Variants in GUCA1B observed in about 807,000 individuals in gnomAD.
GUCA1B encodes the protein guanylate cyclase activator 1B.
GUCA1B carries 22 observed loss-of-function variants against 24.2 expected under a neutral mutation model. That is an observed-to-expected ratio of 0.91 (90% CI 0.65 to 1.30). The LOEUF is 1.30. Ranked by LOEUF, GUCA1B falls within the 50% of genes most tolerant of loss-of-function variation. The pLI, the probability that GUCA1B is intolerant of heterozygous loss-of-function variation, is 0.00. For missense variants in GUCA1B, 221 were observed against 258.8 expected, an observed-to-expected ratio of 0.85 and a Z score of 1.00; for synonymous variants, 100 against 97.9, an observed-to-expected ratio of 1.02 and a Z score of -0.13.
At chr6:42,185,018 C>G in intron 3 of GUCA1B, 76 bp from the exon 4 acceptor site, 1 of 1,412,510 alleles carries the variant, frequency 7.1e-7, no homozygotes, top group Non-Finnish European at 1.0e-6. Context: ...AGAGACCTCG[C>G]TCCCAGGATG....
chr6:42,193,893 T>C (rs1768354159), intron 1 of GUCA1B, among the ~76,000 whole-genome samples: 1 of 152,242 alleles, frequency 6.6e-6, no homozygotes, highest in South Asian at 2.1e-4. Context: ...GCCAGGGCAC[T>C]GAACTGGATA....
At chr6:42,190,190 C>T (rs899733661) in intron 1 of GUCA1B, among the ~76,000 whole-genome samples, 2 of 152,126 alleles carry the variant, frequency 1.3e-5, no homozygotes, top group African/African-American at 4.8e-5. Context: ...TACCTTAGTA[C>T]CTGAAGTGTT....
Position 42,189,684 on chromosome 6 carries a change from G to T in GUCA1B, c.208-953C>A, listed in dbSNP as rs56289013. 6.7e-3 allele frequency among the ~76,000 whole-genome samples: 1,017 copies of T among 152,314 alleles called. 10 individuals carry two copies. The highest frequency in any genetic ancestry group is 0.023 in the African/African-American group (953 of 41,546). ...CAGGTGCTAATTGGGCAGAGGAAGGGGGAGAGGCACAGTCTACTTCTAAGG... is the reference window on the plus strand; with the variant it reads ...CAGGTGCTAATTGGGCAGAGGAAGGTGGAGAGGCACAGTCTACTTCTAAGG... On this transcript the variant is annotated intron_variant, in intron 1 of 3. Coordinates refer to ENST00000230361, the MANE Select transcript of GUCA1B (RefSeq NM_002098.6).
intron 1 of GUCA1B, among the ~76,000 whole-genome samples, chr6:42,192,879 C>T (rs545293298): frequency 6.6e-6 from 1 of 151,496 alleles, no homozygotes; most frequent in Non-Finnish European, 1.5e-5. Flanking sequence ...GACTCTGTCT[C>T]AAAAACAAAA....
In GUCA1B at chr6:42,184,098, T is replaced by TC. The variant is rs1323517629; in HGVS notation, c.*716_*717insG. 6.6e-6 allele frequency among the ~76,000 whole-genome samples: 1 copy of TC among 151,102 alleles called. No individual in the cohort carries two copies. Among genetic ancestry groups the TC allele is most frequent in the Non-Finnish European group, 1.5e-5 (1 of 67,668 alleles). Reference sequence around the variant, plus strand: ...ACTCCTGCCTTTTCTTTTCTTTCTTTTTTTTTTTTTGAGACGGAGTCTCAC... The same window carrying TC: ...ACTCCTGCCTTTTCTTTTCTTTCTTTCTTTTTTTTTTGAGACGGAGTCTCAC... On this transcript the variant is annotated 3_prime_UTR_variant, in exon 4 of 4. Transcript: ENST00000230361.
chr6:42,185,239 TC>T (rs1768173802), intron 3 of GUCA1B, among the ~76,000 whole-genome samples: 1 of 152,196 alleles, frequency 6.6e-6, no homozygotes, highest in South Asian at 2.1e-4. Context: ...GCCAGCTCTC[TC>T]CCCACATAGC....
chr6:42,188,293 CGTGT>C (rs151241798), intron 2 of GUCA1B, among the ~76,000 whole-genome samples: 3,770 of 143,508 alleles, frequency 0.026, 60 homozygotes, highest in African/African-American at 0.042. Flanking sequence ...AGATACTTGT[CGTGT>C]GTGTGTGTGT....
intron 1 of GUCA1B, among the ~76,000 whole-genome samples, chr6:42,189,721 A>G (rs1009503444): frequency 2.0e-5 from 3 of 152,278 alleles, no homozygotes; most frequent in South Asian, 2.1e-4. Flanking sequence ...GACTCTCACC[A>G]GGAAGCAACA....
In GUCA1B at chr6:42,184,696, AG is replaced by A; in HGVS notation, c.*118del. ...TCCCCATCCCCACTCAGCCCTGCAC[AG>A]GGGGTGCCAGGAAGTCAACACCAGG... is the stretch of plus-strand genomic sequence containing the variant. On this transcript the variant is annotated 3_prime_UTR_variant, in exon 4 of 4. Coordinates refer to ENST00000230361, the MANE Select transcript of GUCA1B (RefSeq NM_002098.6). 2.9e-6 allele frequency: 3 copies of A among 1,049,086 alleles called. No individual in the cohort carries two copies. The highest frequency in any genetic ancestry group is 4.4e-6 in the Non-Finnish European group (3 of 675,918). The allele number at this position is 1,049,086 out of a possible 1,614,324, so 65.0% of individuals were successfully genotyped here. A position where few individuals can be genotyped will look rare whatever the true frequency, so the allele number is the denominator to read the frequency against.
In GUCA1B at chr6:42,184,293, G is replaced by A. The variant is rs577487022; in HGVS notation, c.*522C>T. The stretch of plus-strand genomic sequence containing the variant: ...TTTAGTAGAGACGGGGTTTCACCCC[G>A]TGTTAGCCAGGATGGTCTCGATCTC... On this transcript the variant is annotated 3_prime_UTR_variant, in exon 4 of 4. Transcript: ENST00000230361. The A allele has an allele frequency of 3.3e-5, 6 of 183,636 alleles. No individual in the cohort carries two copies. The South Asian group carries it at 4.8e-4, about 15-fold the overall frequency. The allele number at this position is 183,636 out of a possible 1,614,324, so 11.4% of individuals were successfully genotyped here. A position where few individuals can be genotyped will look rare whatever the true frequency, so the allele number is the denominator to read the frequency against.
chr6:42,184,687 G>A lies in GUCA1B; in HGVS notation c.*128C>T. 1.0e-6 allele frequency: 1 copy of A among 979,696 alleles called. No homozygotes were observed. The highest frequency in any genetic ancestry group is 1.6e-6 in the Non-Finnish European group (1 of 614,382). 60.7% of individuals were successfully genotyped at this position (979,696 alleles called of 1,614,324 possible). ...AGCAGCCCTTCCCCATCCCCACTCA[G>A]CCCTGCACAGGGGGTGCCAGGAAGT... On this transcript the variant is annotated 3_prime_UTR_variant, in exon 4 of 4. Transcript: ENST00000230361.
intron 1 of GUCA1B, 74 bp from the exon 2 acceptor site, chr6:42,188,805 C>G: frequency 7.1e-7 from 1 of 1,415,114 alleles, no homozygotes; most frequent in Non-Finnish European, 9.8e-7. Flanking sequence ...CCTGCAAACA[C>G]AGGGCTTCTC....
rs542502012 is a variant in GUCA1B at position 42,194,378 on chromosome 6, C to T, written c.207+236G>A. On this transcript the variant is annotated intron_variant, in intron 1 of 3. Coordinates refer to ENST00000230361, the MANE Select transcript of GUCA1B (RefSeq NM_002098.6). ...AGAAGAGGACACAGGGAGCATCAGCCGACAGCTAAGAGATGGAGGGAGGGA... is the reference window on the plus strand; with the variant it reads ...AGAAGAGGACACAGGGAGCATCAGCTGACAGCTAAGAGATGGAGGGAGGGA... 5.9e-5 allele frequency among the ~76,000 whole-genome samples: 9 copies of T among 152,048 alleles called. No individual in the cohort carries two copies. In the South Asian group the frequency reaches 6.2e-4, roughly 11 times the overall value.
intron 2 of GUCA1B, 39 bp from the exon 3 acceptor site, chr6:42,185,836 G>T: frequency 2.4e-6 from 3 of 1,259,622 alleles, no homozygotes; most frequent in South Asian, 1.2e-5. Context: ...GGGAGACCCT[G>T]AAAGCTCCAC....
Position 42,191,726 on chromosome 6 carries a change from G to GA in GUCA1B, c.207+2887dup, listed in dbSNP as rs1195969425. Among the ~76,000 whole-genome samples the GA allele has an allele frequency of 2.0e-5, 3 of 152,014 alleles. No homozygotes were observed. In the East Asian group the frequency reaches 5.8e-4, roughly 29 times the overall value. ...TTACATGTTGCTTATTAATTACAAA[G>GA]AAAAAAATAGTAACTTTACAATGTT... On this transcript the variant is annotated intron_variant, in intron 1 of 3. Coordinates refer to ENST00000230361, the MANE Select transcript of GUCA1B (RefSeq NM_002098.6).
At chr6:42,187,781 C>T (rs757305199) in intron 2 of GUCA1B, among the ~76,000 whole-genome samples, 21 of 151,974 alleles carry the variant, frequency 1.4e-4, no homozygotes, top group Admixed American at 5.2e-4. Flanking sequence ...CATTGATTTT[C>T]TAATATATAA....
At position 42,187,847 on chromosome 6, in the gene GUCA1B, C is replaced by A. The variant is rs185684120; in HGVS notation, c.357+735G>T. Among the ~76,000 whole-genome samples the A allele has an allele frequency of 2.2e-3, 324 of 150,670 alleles. 1 individual carries two copies. Among genetic ancestry groups the A allele is most frequent in the African/African-American group, 7.3e-3 (302 of 41,132 alleles). Reference sequence around the variant, plus strand: ...CTAATTATTTCCTAAGATATATTTTCTTTTCTTTCTTTTTTTTGAGACAGG... The same window carrying A: ...CTAATTATTTCCTAAGATATATTTTATTTTCTTTCTTTTTTTTGAGACAGG... On this transcript the variant is annotated intron_variant, in intron 2 of 3. Coordinates refer to ENST00000230361, the MANE Select transcript of GUCA1B (RefSeq NM_002098.6).
Position 42,194,915 on chromosome 6 carries a change from C to A in GUCA1B, c.-95G>T. On this transcript the variant is annotated 5_prime_UTR_variant, in exon 1 of 4. Coordinates refer to ENST00000230361, the MANE Select transcript of GUCA1B (RefSeq NM_002098.6). ...CAACTAGGGCCCTCTTCCTCCCTTT[C>A]CAGGAGGCCTGATCAGCCTCTCCAT... 1 of 877,526 alleles carries A rather than the reference C, an allele frequency of 1.1e-6. No homozygotes were observed. Among genetic ancestry groups the A allele is most frequent in the Non-Finnish European group, 1.8e-6 (1 of 544,196 alleles). 54.4% of individuals were successfully genotyped at this position (877,526 alleles called of 1,614,324 possible).
At chr6:42,190,056 G>A (rs1329153350) in intron 1 of GUCA1B, among the ~76,000 whole-genome samples, 1 of 152,180 alleles carries the variant, frequency 6.6e-6, no homozygotes, top group Non-Finnish European at 1.5e-5. Context: ...GGCCACTCAG[G>A]AGCCCCAGCC....
Sources: gnomAD v4.1 joint callset for allele counts (sites outside exome capture counted in the v4.1 genomes callset) on GRCh38, gnomAD v4.1.1 for gene constraint, MANE v1.5 for transcripts, NCBI Gene and HGNC (gene_info 2026-07-23, HGNC 2026-07-21) for gene names.